Variants in UNC13C observed in about 807,000 individuals in gnomAD.
UNC13C encodes unc-13 homolog C, also known as protein unc-13 homolog C.
Under a neutral mutation model 245.4 loss-of-function variants are expected in UNC13C, and 174 were observed. That is an observed-to-expected ratio of 0.71 (90% CI 0.63 to 0.80). The LOEUF (loss-of-function observed/expected upper bound fraction) is 0.80, where lower values mean the gene tolerates loss of function less well. Ranked by LOEUF, UNC13C falls within the 30% of genes least tolerant of loss-of-function variation. The pLI is 0.00. For synonymous variants in UNC13C, 992 were observed against 895.1 expected, an observed-to-expected ratio of 1.11 and a Z score of -1.93; for missense variants, 2,829 against 2,602.9, an observed-to-expected ratio of 1.09 and a Z score of -1.89.
At chr15:53,956,749 G>C in the UNC13C span, among the ~76,000 whole-genome samples, 1 of 151,750 alleles carries the variant, frequency 6.6e-6, no homozygotes, top group Non-Finnish European at 1.5e-5. Flanking sequence ...CCAATGTCAT[G>C]ATGTGGTCCA....
chr15:53,860,667 A>G, the UNC13C span, among the ~76,000 whole-genome samples: 3 of 152,106 alleles, frequency 2.0e-5, no homozygotes, highest in Admixed American at 6.6e-5. Context: ...ATCCTTTCAA[A>G]CCATTCACTC....
chr15:54,592,920 T>G (rs757319079), intron 30 of UNC13C, among the ~76,000 whole-genome samples: 16 of 152,024 alleles, frequency 1.1e-4, no homozygotes, highest in Non-Finnish European at 1.6e-4. Flanking sequence ...AATTTATGCT[T>G]TAAAGAGATT....
At chr15:53,856,688 T>G in the UNC13C span, among the ~76,000 whole-genome samples, 3 of 152,190 alleles carry the variant, frequency 2.0e-5, no homozygotes, top group Non-Finnish European at 4.4e-5. Context: ...TTGCATTTGC[T>G]GAGGAGTGTT....
At chr15:54,622,294 A>C in intron 30 of UNC13C, 33 bp from the exon 31 acceptor site, 2 of 1,460,624 alleles carry the variant, frequency 1.4e-6, no homozygotes, top group Non-Finnish European at 1.9e-6. Context: ...TGAGTCTGAA[A>C]GCTCAGGCCA....
rs369570374 is a variant in UNC13C at position 54,410,330 on chromosome 15, A to G, written c.4848-4652A>G. On this transcript the variant is annotated intron_variant, in intron 18 of 32. Coordinates refer to ENST00000260323, the MANE Select transcript of UNC13C (RefSeq NM_001080534.3). ...CTCCCATTCTGAAGTTTGTCCCTTT[A>G]CTCTGTTGATAGTTTCTTTTGCTGT... 3.9e-5 allele frequency among the ~76,000 whole-genome samples: 6 copies of G among 151,924 alleles called. 1 individual carries two copies. The highest frequency in any genetic ancestry group is 1.9e-4 in the East Asian group (1 of 5,164).
chr15:54,350,092 C>T (rs1476359865), intron 17 of UNC13C, among the ~76,000 whole-genome samples: 2 of 152,106 alleles, frequency 1.3e-5, no homozygotes, highest in Middle Eastern at 3.4e-3. Context: ...CCTGGCTTCA[C>T]GCCAGTCTCC....
chr15:54,178,537 G>A (rs1432482817), intron 4 of UNC13C, among the ~76,000 whole-genome samples: 1 of 152,052 alleles, frequency 6.6e-6, no homozygotes, highest in Non-Finnish European at 1.5e-5. Context: ...AAACAGCTGT[G>A]GAAACGAAAA....
intron 19 of UNC13C, among the ~76,000 whole-genome samples, chr15:54,464,937 A>G (rs145124734): frequency 1.6e-3 from 247 of 151,798 alleles, no homozygotes; most frequent in African/African-American, 5.7e-3. Context: ...ATTGTCATTC[A>G]TTGTCTAGCC....
At position 54,414,997 on chromosome 15, in the gene UNC13C, G is replaced by T. The variant is rs746188188; in HGVS notation, c.4863G>T (p.Leu1621=). 3.7e-6 allele frequency: 6 copies of T among 1,612,684 alleles called. No individual in the cohort carries two copies. The highest frequency in any genetic ancestry group is 5.1e-6 in the Non-Finnish European group (6 of 1,179,334). ...TPVLNQFPQE[L]NMGKISAEIM... ...TTGGTTTTAGGTTTCCTCAAGAGCTGAACATGGGAAAAATAAGTGCCGAAA... is the reference window on the plus strand; with the variant it reads ...TTGGTTTTAGGTTTCCTCAAGAGCTTAACATGGGAAAAATAAGTGCCGAAA... Residue 1621 remains leucine (L), a synonymous_variant, in exon 19 of 33, where the codon CTG becomes CTT. Coordinates refer to ENST00000260323, the MANE Select transcript of UNC13C (RefSeq NM_001080534.3).
chr15:54,483,833 C>T (rs1893260728), intron 19 of UNC13C, among the ~76,000 whole-genome samples: 1 of 152,170 alleles, frequency 6.6e-6, no homozygotes, highest in Admixed American at 6.5e-5. Flanking sequence ...GAGAAACACT[C>T]TCCCTACAAT....
intron 4 of UNC13C, among the ~76,000 whole-genome samples, chr15:54,162,748 A>G (rs918137269): frequency 4.6e-5 from 7 of 152,142 alleles, no homozygotes; most frequent in Non-Finnish European, 1.0e-4. Context: ...TTTCCATTTA[A>G]TTCATTAATT....
intron 19 of UNC13C, among the ~76,000 whole-genome samples, chr15:54,488,518 A>C (rs1441322115): frequency 6.6e-6 from 1 of 152,202 alleles, no homozygotes; most frequent in African/African-American, 2.4e-5. Flanking sequence ...GATAGCAGCA[A>C]ATTTTCCTTT....
chr15:53,861,535 A>G, the UNC13C span, among the ~76,000 whole-genome samples: 54 of 152,290 alleles, frequency 3.5e-4, no homozygotes, highest in African/African-American at 1.3e-3. Context: ...GAAGCAGTAT[A>G]TGGTGCTTGT....
At chr15:53,891,616 T>C in the UNC13C span, among the ~76,000 whole-genome samples, 1 of 152,146 alleles carries the variant, frequency 6.6e-6, no homozygotes, top group East Asian at 1.9e-4. Flanking sequence ...TTATATAATG[T>C]CCTTTTTTGT....
chr15:54,621,884 C>T (rs1452341416), intron 30 of UNC13C, among the ~76,000 whole-genome samples: 1 of 152,118 alleles, frequency 6.6e-6, no homozygotes, highest in African/African-American at 2.4e-5. Context: ...GTGGGGCTCC[C>T]CTGGCCAACT....
chr15:54,572,158 A>G (rs1318373169), intron 30 of UNC13C, among the ~76,000 whole-genome samples: 1 of 152,010 alleles, frequency 6.6e-6, no homozygotes, highest in African/African-American at 2.4e-5. Context: ...TCCCGGGTCA[A>G]CATGTATCTA....
At chr15:53,955,310 G>C in the UNC13C span, among the ~76,000 whole-genome samples, 1 of 147,964 alleles carries the variant, frequency 6.8e-6, no homozygotes, top group Non-Finnish European at 1.5e-5. Context: ...CATAAAACTA[G>C]GAGAGAAATC....
chr15:54,076,071 T>TG (rs1566994050), intron 2 of UNC13C, among the ~76,000 whole-genome samples: 3 of 149,388 alleles, frequency 2.0e-5, no homozygotes, highest in South Asian at 2.1e-4. Context: ...TTCTTTTTTT[T>TG]TTTTTTTCAC....
chr15:54,277,088 C>G (rs567119760), intron 10 of UNC13C, among the ~76,000 whole-genome samples: 1 of 152,030 alleles, frequency 6.6e-6, no homozygotes. Context: ...CCAAATAATT[C>G]CAAAGACATG....
Sources: allele counts gnomAD v4.1 joint callset (sites outside exome capture counted in the v4.1 genomes callset), GRCh38; gene constraint gnomAD v4.1.1; transcripts MANE v1.5; gene names NCBI Gene and HGNC (gene_info 2026-07-23, HGNC 2026-07-21).